The following CXCL17 variants were observed in gnomAD, a reference collection of about 807,000 sequenced individuals.
CXCL17 encodes the protein C-X-C motif chemokine 17.
In CXCL17, 9 loss-of-function variants were observed where a neutral mutation model predicts 15.5. That is an observed-to-expected ratio of 0.58 (90% CI 0.35 to 1.01). CXCL17 has a LOEUF of 1.01. Ranked by LOEUF, CXCL17 falls within the 50% of genes least tolerant of loss-of-function variation. The pLI, the probability that CXCL17 is intolerant of heterozygous loss-of-function variation, is 0.02. For synonymous variants in CXCL17, 52 were observed against 52.3 expected (o/e 0.99, Z 0.02); for missense variants, 133 against 138.2 (o/e 0.96, Z 0.19).
rs370786111 is a variant in CXCL17 at position 42,433,785 on chromosome 19, C to G, written c.151G>C (p.Glu51Gln). ...RWLQEGGQEC[E>Q]CKDWFLRAPR... ...TTGCTGAATTACTGACCTTTGCACTCACATTCTTGGCCGCCTTCCTGGAGC... is the reference window on the plus strand; with the variant it reads ...TTGCTGAATTACTGACCTTTGCACTGACATTCTTGGCCGCCTTCCTGGAGC... The change falls in exon 2 of 4, where the codon GAG (glutamate) becomes CAG (glutamine). Residue 51 changes from glutamate to glutamine, a missense_variant. Physicochemically the swap from Glu to Gln is conservative, Grantham distance 29. Transcript: ENST00000601181. 2.0e-5 allele frequency: 33 copies of G among 1,613,830 alleles called. 1 individual carries two copies. The highest frequency in any genetic ancestry group is 2.6e-5 in the Non-Finnish European group (31 of 1,179,940).
intron 1 of CXCL17, among the ~76,000 whole-genome samples, chr19:42,438,846 A>G (rs1036510884): frequency 1.3e-5 from 2 of 152,290 alleles, no homozygotes; most frequent in South Asian, 4.2e-4. Context: ...GGAGCTCCCA[A>G]TGGCCAATTT....
At position 42,432,995 on chromosome 19, in the gene CXCL17, C is replaced by G; in HGVS notation, c.243G>C (p.Lys81Asn). The G allele has an allele frequency of 3.7e-6, 6 of 1,613,930 alleles. No individual in the cohort carries two copies. The highest frequency in any genetic ancestry group is 5.1e-6 in the Non-Finnish European group (6 of 1,179,820). ...ACTTACTTGTTTTCTTCACATTGCC[C>G]TTGAAATGATCACAGGGGCACTGCT... ...PKKQCPCDHF[K>N]GNVKKTRHQR... The change falls in exon 3 of 4, where the codon AAG becomes AAC. Residue 81 changes from lysine (K) to asparagine (N), a missense_variant. Transcript: ENST00000601181.
Position 42,442,919 on chromosome 19 carries a change from G to A in CXCL17, c.-87C>T. 2.0e-6 allele frequency: 2 copies of A among 994,362 alleles called. No individual in the cohort carries two copies. The highest frequency in any genetic ancestry group is 2.9e-5 in the South Asian group (2 of 69,224). The allele number at this position is 994,362 out of a possible 1,614,324, so 61.6% of individuals were successfully genotyped here. On this transcript the variant is annotated 5_prime_UTR_variant, in exon 1 of 4. Transcript: ENST00000601181. Reference sequence around the variant, plus strand: ...GCTCCTGATCCCTGGGGATGACTCAGGTCAGGATACTCAGCCTGGTGGTCT... The same window carrying A: ...GCTCCTGATCCCTGGGGATGACTCAAGTCAGGATACTCAGCCTGGTGGTCT...
chr19:42,429,917 C>T (rs1450536510), intron 3 of CXCL17, among the ~76,000 whole-genome samples: 3 of 152,120 alleles, frequency 2.0e-5, no homozygotes, highest in Non-Finnish European at 2.9e-5. Context: ...CCTATAATCT[C>T]AGCACTTTGG....
At chr19:42,442,668 T>G in intron 1 of CXCL17, 86 bp downstream of exon 1, 1 of 963,164 alleles carries the variant, frequency 1.0e-6, no homozygotes, top group Non-Finnish European at 1.7e-6. Context: ...CCCCCATAGC[T>G]AAGAGAAGCT....
intron 1 of CXCL17, among the ~76,000 whole-genome samples, chr19:42,442,304 G>GCTCA (rs1481948368): frequency 2.0e-5 from 3 of 148,078 alleles, no homozygotes; most frequent in Non-Finnish European, 4.4e-5. Context: ...TGCCGTCTCG[G>GCTCA]CTCACTGCAG....
chr19:42,432,862 G>T, intron 3 of CXCL17, 114 bp downstream of exon 3: 1 of 764,600 alleles, frequency 1.3e-6, no homozygotes, highest in Admixed American at 2.0e-5. Flanking sequence ...GGGCTGAGTT[G>T]TGTGCTTATC....
At chr19:42,433,991 G>T in intron 1 of CXCL17, 135 bp from the exon 2 acceptor site, 1 of 615,138 alleles carries the variant, frequency 1.6e-6, no homozygotes, top group Non-Finnish European at 2.9e-6. Flanking sequence ...TTCAAGAGAT[G>T]AATATTTTAT....
chr19:42,438,397 TATATATATAA>T (rs1243794062), intron 1 of CXCL17, among the ~76,000 whole-genome samples: 31 of 101,994 alleles, frequency 3.0e-4, no homozygotes, highest in African/African-American at 1.3e-3. Flanking sequence ...TATATATATA[TATATATATAA>T]AATACACACA....
chr19:42,440,370 A>T (rs1600165988), intron 1 of CXCL17, among the ~76,000 whole-genome samples: 1 of 152,184 alleles, frequency 6.6e-6, no homozygotes, highest in South Asian at 2.1e-4. Flanking sequence ...TTATTCTGAG[A>T]TTTATTTTGG....
rs529883554 is a variant in CXCL17 at position 42,436,631 on chromosome 19, G to A, written c.80-2775C>T. Among the ~76,000 whole-genome samples the A allele has an allele frequency of 2.8e-4, 42 of 152,186 alleles. 2 individuals carry two copies. In the South Asian group the frequency reaches 6.6e-3, roughly 24 times the overall value. ...TTTTATTAATATAGTGATAACCATA[G>A]CATGTAAACACATTCTCTTTTTCCA... On this transcript the variant is annotated intron_variant, in intron 1 of 3. Transcript: ENST00000601181.
chr19:42,442,689 G>T, intron 1 of CXCL17, 65 bp downstream of exon 1: 1 of 1,133,710 alleles, frequency 8.8e-7, no homozygotes, highest in Non-Finnish European at 1.3e-6. Flanking sequence ...GCATTTTGAT[G>T]TGTCTGTGGC....
At chr19:42,432,440 C>T (rs909253179) in intron 3 of CXCL17, among the ~76,000 whole-genome samples, 13 of 152,034 alleles carry the variant, frequency 8.6e-5, no homozygotes, top group African/African-American at 2.7e-4. Context: ...CCACTGTGCC[C>T]GGCTGCCAAT....
At chr19:42,432,141 G>GTTTTTTTTTT (rs370344388) in intron 3 of CXCL17, among the ~76,000 whole-genome samples, 2 of 108,620 alleles carry the variant, frequency 1.8e-5, no homozygotes, top group African/African-American at 3.7e-5. Flanking sequence ...TGCCAATTTA[G>GTTTTTTTTTT]TTTTTTTTTT....
At position 42,439,654 on chromosome 19, in the gene CXCL17, G is replaced by A. The variant is rs1568623259; in HGVS notation, c.79+3100C>T. 2.0e-5 allele frequency among the ~76,000 whole-genome samples: 3 copies of A among 152,342 alleles called. No homozygotes were observed. In the East Asian group the frequency reaches 5.8e-4, roughly 29 times the overall value. On this transcript the variant is annotated intron_variant, in intron 1 of 3. Transcript: ENST00000601181. ...GAGATATCGACATCCTGGGGCTCTT[G>A]CTGGGATGTCCAGAGAAGGATACAT... is the stretch of plus-strand genomic sequence containing the variant.
At chr19:42,430,235 C>CG (rs1290690765) in intron 3 of CXCL17, among the ~76,000 whole-genome samples, 1 of 152,040 alleles carries the variant, frequency 6.6e-6, no homozygotes, top group Admixed American at 6.6e-5. Context: ...TTCATAGAAA[C>CG]CTATACATGC....
intron 1 of CXCL17, 52 bp downstream of exon 1, chr19:42,442,702 G>C: frequency 7.4e-7 from 1 of 1,345,158 alleles, no homozygotes; most frequent in Non-Finnish European, 1.1e-6. Flanking sequence ...TCTGTGGCCT[G>C]TTTTGCCACA....
intron 1 of CXCL17, among the ~76,000 whole-genome samples, chr19:42,439,294 C>T (rs2040869363): frequency 6.8e-6 from 1 of 147,936 alleles, no homozygotes; most frequent in Admixed American, 6.7e-5. Context: ...AAAGGAATAA[C>T]TCTTTCTTAT....
intron 1 of CXCL17, among the ~76,000 whole-genome samples, chr19:42,439,268 A>G (rs1006645150): frequency 4.6e-5 from 7 of 151,476 alleles, no homozygotes; most frequent in African/African-American, 7.3e-5. Context: ...AAAAAAAAAA[A>G]AAAAAAGAAA....
Sources: allele counts gnomAD v4.1 joint callset (sites outside exome capture counted in the v4.1 genomes callset), GRCh38; gene constraint gnomAD v4.1.1; transcripts MANE v1.5; gene names NCBI Gene and HGNC (gene_info 2026-07-23, HGNC 2026-07-21).